CLNK: variants seen among roughly 807,000 people sequenced by gnomAD.
CLNK encodes the protein cytokine dependent hematopoietic cell linker, also known as cytokine-dependent hematopoietic cell linker.
Under a neutral mutation model 68.6 loss-of-function variants are expected in CLNK, and 74 were observed. The ratio of observed to expected loss-of-function variants is 1.08; its 90% CI spans 0.89 to 1.31. The LOEUF is 1.31. Ranked by LOEUF, CLNK falls within the 50% of genes most tolerant of loss-of-function variation. The probability of loss-of-function intolerance (pLI) is 0.00; values close to 1 mark genes in which losing one functional copy is unlikely to be tolerated. For synonymous variants in CLNK, 198 were observed against 172.2 expected (o/e 1.15, Z -1.17); for missense variants, 553 against 515.3 (o/e 1.07, Z -0.71).
intron 2 of CLNK, among the ~76,000 whole-genome samples, chr4:10,601,864 C>G (rs1030824705): frequency 1.3e-5 from 2 of 152,174 alleles, no homozygotes; most frequent in Admixed American, 1.3e-4. Flanking sequence ...GCCAAGTGTC[C>G]TCCAGGGAAA....
chr4:10,625,790 A>T (rs1722644872), intron 2 of CLNK, among the ~76,000 whole-genome samples: 1 of 152,192 alleles, frequency 6.6e-6, no homozygotes, highest in Non-Finnish European at 1.5e-5. Flanking sequence ...AGGAAGAGAC[A>T]GAGTCAGAAA....
In CLNK at chr4:10,488,609, G is replaced by C. The variant is rs549058381; in HGVS notation, c.*1858C>G. On this transcript the variant is annotated 3_prime_UTR_variant, in exon 19 of 19. Transcript: ENST00000226951. ...GTAATCCTCTGCAGGCATACTCTAC[G>C]ATAGGCTCAGCTGGGTCTCAAAAGT... 2 of 152,280 alleles carry C rather than the reference G, an allele frequency of 1.3e-5. No individual in the cohort carries two copies. The highest frequency in any genetic ancestry group is 4.2e-4 in the South Asian group (2 of 4,818). The allele number at this position is 152,280 out of a possible 1,614,324, so 9.4% of individuals were successfully genotyped here. A position where few individuals can be genotyped will look rare whatever the true frequency, so the allele number is the denominator to read the frequency against.
In CLNK at chr4:10,649,378, C is replaced by T. The variant is rs144008160; in HGVS notation, c.11+18481G>A. Among the ~76,000 whole-genome samples the T allele has an allele frequency of 1.4e-3, 206 of 152,198 alleles. 1 individual carries two copies. The highest frequency in any genetic ancestry group is 2.5e-3 in the Non-Finnish European group (173 of 67,998). On this transcript the variant is annotated intron_variant, in intron 2 of 18. Transcript: ENST00000226951. ...AAATGAAGGTGAATAAAGATGAGAA[C>T]CTAGAAAGAGAAGCAAAGAACTGAA...
intron 11 of CLNK, among the ~76,000 whole-genome samples, chr4:10,537,919 A>G (rs758243728): frequency 1.3e-5 from 2 of 151,244 alleles, no homozygotes; most frequent in African/African-American, 2.4e-5. Flanking sequence ...TTTTCTTCTT[A>G]TAAATAAGAA....
chr4:10,653,196 G>C (rs73216708), intron 2 of CLNK, among the ~76,000 whole-genome samples: 16,510 of 151,974 alleles, frequency 0.11, 1,035 homozygotes, highest in East Asian at 0.21. Context: ...GTCAGGAGAT[G>C]GGGGGCTAGG....
At chr4:10,568,722 T>C (rs976872776) in intron 5 of CLNK, among the ~76,000 whole-genome samples, 1 of 152,180 alleles carries the variant, frequency 6.6e-6, no homozygotes, top group African/African-American at 2.4e-5. Context: ...CGAAAGAATC[T>C]GGAAGCAAGT....
At chr4:10,681,183 G>A (rs937146859) in intron 1 of CLNK, among the ~76,000 whole-genome samples, 3 of 152,172 alleles carry the variant, frequency 2.0e-5, no homozygotes, top group African/African-American at 7.2e-5. Context: ...GAGGGAATAT[G>A]CCAATCATCT....
At chr4:10,495,578 A>G (rs75933133) in intron 18 of CLNK, among the ~76,000 whole-genome samples, 7 of 152,330 alleles carry the variant, frequency 4.6e-5, no homozygotes, top group Non-Finnish European at 8.8e-5. Context: ...CAATATGTCC[A>G]TGTCCTAATC....
upstream of CLNK, among the ~76,000 whole-genome samples, chr4:10,687,255 A>G (rs1725303679): frequency 6.6e-6 from 1 of 152,032 alleles, no homozygotes. Context: ...AATCTAATAT[A>G]ATAGAGAGGT....
the CLNK span, among the ~76,000 whole-genome samples, chr4:10,728,797 A>T: frequency 6.6e-6 from 1 of 151,742 alleles, no homozygotes; most frequent in East Asian, 1.9e-4. Context: ...GGGTTTCGCC[A>T]TGTTAGTTAG....
At chr4:10,726,673 C>A in the CLNK span, among the ~76,000 whole-genome samples, 1 of 152,170 alleles carries the variant, frequency 6.6e-6, no homozygotes, top group Non-Finnish European at 1.5e-5. Context: ...AAGATTAAAA[C>A]AACCTTTTTA....
intron 14 of CLNK, 105 bp from the exon 15 acceptor site, chr4:10,520,936 T>C: frequency 3.7e-6 from 3 of 800,976 alleles, no homozygotes; most frequent in Non-Finnish European, 6.4e-6. Flanking sequence ...GTCACAGTTA[T>C]AAAGCACTTT....
rs147376470 is a variant in CLNK at position 10,633,045 on chromosome 4, C to G, written c.11+34814G>C. Among the ~76,000 whole-genome samples, 665 of 152,326 alleles carry G rather than the reference C, an allele frequency of 4.4e-3. 5 individuals are homozygous for G. Among genetic ancestry groups the G allele is most frequent in the African/African-American group, 0.015 (636 of 41,564 alleles). On this transcript the variant is annotated intron_variant, in intron 2 of 18. Coordinates refer to ENST00000226951, the MANE Select transcript of CLNK (RefSeq NM_052964.4). ...TTCTGCCTCCTGGGTTCAAGCAATT[C>G]TCCTGTCTCAGCCTCCTGAGTATCT... is the stretch of plus-strand genomic sequence containing the variant.
chr4:10,645,526 T>C (rs1723472471), intron 2 of CLNK, among the ~76,000 whole-genome samples: 1 of 152,212 alleles, frequency 6.6e-6, no homozygotes, highest in African/African-American at 2.4e-5. Context: ...GGAATTTACA[T>C]ACTTAACTGC....
chr4:10,590,354 T>C (rs977799361), intron 3 of CLNK, among the ~76,000 whole-genome samples: 2 of 152,250 alleles, frequency 1.3e-5, no homozygotes, highest in Non-Finnish European at 2.9e-5. Flanking sequence ...CATGCTTGCC[T>C]TCTACTTATC....
At chr4:10,547,423 T>C (rs1195221334) in intron 8 of CLNK, among the ~76,000 whole-genome samples, 2 of 152,240 alleles carry the variant, frequency 1.3e-5, no homozygotes, top group African/African-American at 2.4e-5. Flanking sequence ...CATAAACATA[T>C]CTGTCACTTA....
At chr4:10,655,894 C>T (rs1233030624) in intron 2 of CLNK, among the ~76,000 whole-genome samples, 1 of 151,954 alleles carries the variant, frequency 6.6e-6, no homozygotes, top group Non-Finnish European at 1.5e-5. Context: ...CGTGATCTGC[C>T]CGCTTTGGCC....
At chr4:10,572,349 G>A (rs1182573975) in intron 4 of CLNK, among the ~76,000 whole-genome samples, 1 of 152,148 alleles carries the variant, frequency 6.6e-6, no homozygotes, top group Non-Finnish European at 1.5e-5. Context: ...TGAAAACACA[G>A]CAGTTGCCTT....
At chr4:10,705,032 T>C in the CLNK span, among the ~76,000 whole-genome samples, 1 of 151,904 alleles carries the variant, frequency 6.6e-6, no homozygotes, top group Admixed American at 6.5e-5. Flanking sequence ...AGTAACTTCA[T>C]TAAGCAAAAA....
Sources: gnomAD v4.1 joint callset for allele counts (sites outside exome capture counted in the v4.1 genomes callset) on GRCh38, gnomAD v4.1.1 for gene constraint, MANE v1.5 for transcripts, NCBI Gene and HGNC (gene_info 2026-07-23, HGNC 2026-07-21) for gene names.